Variants in RAB8B observed in about 807,000 individuals in gnomAD.
RAB8B encodes the protein ras-related protein Rab-8B.
Under a neutral mutation model 32.0 loss-of-function variants are expected in RAB8B, and 11 were observed. The ratio of observed to expected loss-of-function variants is 0.34; its 90% CI spans 0.22 to 0.57. RAB8B has a LOEUF of 0.57. RAB8B is among the 20% of genes least tolerant of loss of function. RAB8B has a pLI of 0.86. For missense variants in RAB8B, 190 were observed against 258.5 expected, an observed-to-expected ratio of 0.73 and a Z score of 1.82; for synonymous variants, 103 against 89.6, an observed-to-expected ratio of 1.15 and a Z score of -0.85.
In RAB8B at chr15:63,259,516, G is replaced by T. The variant is rs1595751814; in HGVS notation, c.415-111G>T. 7 of 864,458 alleles carry T rather than the reference G, an allele frequency of 8.1e-6. No homozygotes were observed. In the East Asian group the frequency reaches 1.9e-4, roughly 23 times the overall value. The allele number at this position is 864,458 out of a possible 1,614,324, so 53.5% of individuals were successfully genotyped here. On this transcript the variant is annotated intron_variant, in intron 5 of 7. Transcript: ENST00000321437. The surrounding 1 kb of genome is among the most constrained non-coding windows in gnomAD (Gnocchi z 4.4). Reference sequence around the variant, plus strand: ...GCAAAGAAATTTGAGAACCACAGGAGTTCTGAAATAGATACCCTACCTTTG... The same window carrying T: ...GCAAAGAAATTTGAGAACCACAGGATTTCTGAAATAGATACCCTACCTTTG...
At position 63,256,516 on chromosome 15, in the gene RAB8B, C is replaced by T. The variant is rs778337921; in HGVS notation, c.336C>T (p.Ser112=). Residue 112 remains serine (S), a synonymous_variant, in exon 5 of 8, where the codon TCC becomes TCT. Transcript: ENST00000321437. The part of the protein sequence containing the change: ...WIRNIEEHAS[S]DVERMILGNK... Reference sequence around the variant, plus strand: ...TTTTCTCCCTGCAGCATGCCTCTTCCGATGTCGAAAGAATGATCCTGGGTA... The same window carrying T: ...TTTTCTCCCTGCAGCATGCCTCTTCTGATGTCGAAAGAATGATCCTGGGTA... 22 of 1,599,880 alleles carry T rather than the reference C, an allele frequency of 1.4e-5. No individual in the cohort carries two copies. Among genetic ancestry groups the T allele is most frequent in the Non-Finnish European group, 1.6e-5 (19 of 1,175,706 alleles).
At chr15:63,211,230 A>G (rs1358008677) in intron 1 of RAB8B, among the ~76,000 whole-genome samples, 2 of 152,242 alleles carry the variant, frequency 1.3e-5, no homozygotes, top group African/African-American at 2.4e-5. Flanking sequence ...AAGAGAACAA[A>G]TAGTAGAATA....
rs1452636509 is a variant in RAB8B at position 63,253,275 on chromosome 15, T to C, written c.247-2232T>C. Among the ~76,000 whole-genome samples the C allele has an allele frequency of 2.0e-5, 3 of 152,328 alleles. No homozygotes were observed. The East Asian group carries it at 5.8e-4, about 29-fold the overall frequency. On this transcript the variant is annotated intron_variant, in intron 3 of 7. Transcript: ENST00000321437. The stretch of plus-strand genomic sequence containing the variant: ...TCTAAAATCCCACTACTCTGAGAGA[T>C]ATATTCTGTTAACGTTTTATTTCAT...
chr15:63,262,875 C>T, intron 7 of RAB8B, 133 bp downstream of exon 7: 1 of 290,004 alleles, frequency 3.4e-6, no homozygotes, highest in Non-Finnish European at 6.5e-6. Flanking sequence ...TGGTTGAACT[C>T]TGATTCTTAG....
chr15:63,218,676 G>T (rs1045228387), intron 1 of RAB8B, among the ~76,000 whole-genome samples: 1 of 152,112 alleles, frequency 6.6e-6, no homozygotes, highest in African/African-American at 2.4e-5. Flanking sequence ...TGTGATGGGC[G>T]TTTCTCTCTT....
At chr15:63,244,437 T>C (rs1045228529) in intron 1 of RAB8B, among the ~76,000 whole-genome samples, 1 of 152,218 alleles carries the variant, frequency 6.6e-6, no homozygotes, top group African/African-American at 2.4e-5. Flanking sequence ...GCATTGTTTA[T>C]ATGTACTTCA....
At chr15:63,190,934 G>A (rs948911451) in intron 1 of RAB8B, among the ~76,000 whole-genome samples, 2 of 152,176 alleles carry the variant, frequency 1.3e-5, no homozygotes, top group African/African-American at 4.8e-5. Flanking sequence ...TCTGATCCTG[G>A]CTGGGAGCTG....
Position 63,242,457 on chromosome 15 carries a change from G to A in RAB8B, c.125-2299G>A, listed in dbSNP as rs539611417. Among the ~76,000 whole-genome samples, 4 of 152,126 alleles carry A rather than the reference G, an allele frequency of 2.6e-5. No homozygotes were observed. The South Asian group carries it at 6.2e-4, about 24-fold the overall frequency. On this transcript the variant is annotated intron_variant, in intron 1 of 7. Coordinates refer to ENST00000321437, the MANE Select transcript of RAB8B (RefSeq NM_016530.3). ...TGGGAGGCCGAGGCGGGTGGATCAC[G>A]AGGTCGGTCAGGAGATTGAGACCAC...
intron 1 of RAB8B, among the ~76,000 whole-genome samples, chr15:63,223,579 C>T (rs936827556): frequency 6.6e-6 from 1 of 152,198 alleles, no homozygotes. Context: ...ACTACGTAGA[C>T]TAGGTGTGTA....
chr15:63,225,202 A>G (rs903152801), intron 1 of RAB8B, among the ~76,000 whole-genome samples: 5 of 152,210 alleles, frequency 3.3e-5, no homozygotes, highest in African/African-American at 9.7e-5. Context: ...TTGTTAATGT[A>G]ACTTAACCGT....
In RAB8B at chr15:63,265,594, T is replaced by C. The variant is rs1386972647; in HGVS notation, c.*1975T>C. ...GCTTTCTGGATGGTAACAAAGTACCTTCTAAAAGATAAGTGCTATGACACC... is the reference window on the plus strand; with the variant it reads ...GCTTTCTGGATGGTAACAAAGTACCCTCTAAAAGATAAGTGCTATGACACC... On this transcript the variant is annotated 3_prime_UTR_variant, in exon 8 of 8. Coordinates refer to ENST00000321437, the MANE Select transcript of RAB8B (RefSeq NM_016530.3). The surrounding 1 kb of genome is among the most constrained non-coding windows in gnomAD (Gnocchi z 4.9). 2 of 152,620 alleles carry C rather than the reference T, an allele frequency of 1.3e-5. No individual in the cohort carries two copies. Among genetic ancestry groups the C allele is most frequent in the Non-Finnish European group, 2.9e-5 (2 of 68,022 alleles). 9.5% of individuals were successfully genotyped at this position (152,620 alleles called of 1,614,324 possible). A position where few individuals can be genotyped will look rare whatever the true frequency, so the allele number is the denominator to read the frequency against.
At chr15:63,263,444 G>A (rs2038218143) in intron 7 of RAB8B, 83 bp from the exon 8 acceptor site, 2 of 991,570 alleles carry the variant, frequency 2.0e-6, no homozygotes, top group East Asian at 2.4e-5. Context: ...ACATGGTATG[G>A]TTAGTTATTT....
intron 1 of RAB8B, among the ~76,000 whole-genome samples, chr15:63,216,820 G>A (rs191264452): frequency 2.7e-5 from 4 of 148,286 alleles, no homozygotes; most frequent in Admixed American, 1.3e-4. Flanking sequence ...AGATCATGCC[G>A]CTGCACTCCA....
intron 6 of RAB8B, among the ~76,000 whole-genome samples, chr15:63,260,314 T>C (rs1249707728): frequency 1.3e-5 from 2 of 152,224 alleles, no homozygotes; most frequent in Non-Finnish European, 2.9e-5. Context: ...CTCATTCATG[T>C]CACCCTGTAT....
intron 3 of RAB8B, chr15:63,251,424 C>T (rs1049891993): frequency 2.5e-6 from 1 of 406,012 alleles, no homozygotes; most frequent in Non-Finnish European, 4.9e-6. Flanking sequence ...TGTGCTGACA[C>T]CATTTGCATG....
intron 1 of RAB8B, among the ~76,000 whole-genome samples, chr15:63,218,598 G>A (rs1325033948): frequency 6.6e-6 from 1 of 152,184 alleles, no homozygotes; most frequent in Non-Finnish European, 1.5e-5. Flanking sequence ...CTCATTTAAA[G>A]GGCATAGTCC....
intron 2 of RAB8B, 63 bp from the exon 3 acceptor site, chr15:63,249,582 G>A (rs2038098170): frequency 6.8e-7 from 1 of 1,467,024 alleles, no homozygotes; most frequent in Non-Finnish European, 9.5e-7. Flanking sequence ...CCTACAGCAG[G>A]GTTTCTCCTC....
chr15:63,257,690 A>G lies in RAB8B; in HGVS notation c.414+1096A>G, dbSNP rs141120991. Among the ~76,000 whole-genome samples, 634 of 152,228 alleles carry G rather than the reference A, an allele frequency of 4.2e-3. 4 individuals are homozygous for G. Among genetic ancestry groups the G allele is most frequent in the African/African-American group, 0.014 (569 of 41,520 alleles). ...TTTGAGGAATATATAAGAGTTCGCA[A>G]TTTGTCTCAATCAATAGAAATCAAA... On this transcript the variant is annotated intron_variant, in intron 5 of 7. Coordinates refer to ENST00000321437, the MANE Select transcript of RAB8B (RefSeq NM_016530.3).
intron 1 of RAB8B, among the ~76,000 whole-genome samples, chr15:63,241,234 C>G (rs949388107): frequency 6.6e-6 from 1 of 152,082 alleles, no homozygotes; most frequent in Non-Finnish European, 1.5e-5. Context: ...CCCAGCTAGT[C>G]GCGAGGCTGA....
Sources: gnomAD v4.1 joint callset for allele counts (sites outside exome capture counted in the v4.1 genomes callset) on GRCh38, gnomAD v4.1.1 for gene constraint, Gnocchi (gnomAD v3.1) non-coding constraint, MANE v1.5 for transcripts, NCBI Gene and HGNC (gene_info 2026-07-23, HGNC 2026-07-21) for gene names.